Variants in ARB2A observed in about 807,000 individuals in gnomAD.
ARB2A encodes the protein ARB2 cotranscriptional regulator A.
the ARB2A span, among the ~76,000 whole-genome samples, chr5:94,102,886 T>C: frequency 6.6e-6 from 1 of 152,024 alleles, no homozygotes; most frequent in Non-Finnish European, 1.5e-5. Flanking sequence ...AGAAAGGAAA[T>C]TCTAACCAAG....
the ARB2A span, among the ~76,000 whole-genome samples, chr5:94,070,737 T>C: frequency 4.6e-5 from 7 of 151,224 alleles, no homozygotes; most frequent in Admixed American, 4.6e-4. Context: ...AACTCAACAA[T>C]AAGAACACAA....
At chr5:93,820,851 GAA>G in the ARB2A span, among the ~76,000 whole-genome samples, 1 of 152,102 alleles carries the variant, frequency 6.6e-6, no homozygotes, top group Non-Finnish European at 1.5e-5. Context: ...AGAGTTCAGA[GAA>G]TTGGAAATTT....
chr5:93,910,837 T>C, the ARB2A span: 1 of 151,528 alleles, frequency 6.6e-6, no homozygotes, highest in Admixed American at 6.6e-5. Flanking sequence ...ATTGCAATTT[T>C]CTTACTGCTA....
At chr5:93,934,260 ATTC>A in the ARB2A span, among the ~76,000 whole-genome samples, 1 of 152,210 alleles carries the variant, frequency 6.6e-6, no homozygotes, top group Non-Finnish European at 1.5e-5. Context: ...TCACCTATAA[ATTC>A]TTCTTTATTT....
the ARB2A span, among the ~76,000 whole-genome samples, chr5:94,056,398 T>C: frequency 6.6e-6 from 1 of 152,180 alleles, no homozygotes; most frequent in Admixed American, 6.5e-5. Context: ...TCAGAAATTA[T>C]TTTTCTGCTT....
the ARB2A span, among the ~76,000 whole-genome samples, chr5:93,915,924 T>C: frequency 6.6e-6 from 1 of 152,068 alleles, no homozygotes; most frequent in South Asian, 2.1e-4. Context: ...ATGGCTGGAT[T>C]ATATTTTCAT....
the ARB2A span, among the ~76,000 whole-genome samples, chr5:94,103,247 C>G: frequency 2.1e-4 from 32 of 151,988 alleles, no homozygotes; most frequent in Non-Finnish European, 8.8e-5. Flanking sequence ...GAAACATGAC[C>G]TAACTACATA....
chr5:94,100,095 G>C, the ARB2A span, among the ~76,000 whole-genome samples: 1 of 152,286 alleles, frequency 6.6e-6, no homozygotes, highest in African/African-American at 2.4e-5. Flanking sequence ...CAAAGTTGCA[G>C]CATACAAAAT....
chr5:93,941,729 T>C, the ARB2A span, among the ~76,000 whole-genome samples: 1 of 152,186 alleles, frequency 6.6e-6, no homozygotes, highest in Non-Finnish European at 1.5e-5. Flanking sequence ...TCAGTGTCTT[T>C]CCTCTTTTTA....
the ARB2A span, among the ~76,000 whole-genome samples, chr5:94,110,217 A>G: frequency 6.6e-6 from 1 of 152,212 alleles, no homozygotes; most frequent in South Asian, 2.1e-4. Flanking sequence ...TACTTGTTAT[A>G]TATTTACTTG....
At chr5:93,808,025 A>G in the ARB2A span, among the ~76,000 whole-genome samples, 2 of 152,028 alleles carry the variant, frequency 1.3e-5, no homozygotes, top group Non-Finnish European at 2.9e-5. Flanking sequence ...CAATGCAAGA[A>G]AAAACCTTGC....
chr5:93,717,508 A>G, the ARB2A span, among the ~76,000 whole-genome samples: 2 of 151,362 alleles, frequency 1.3e-5, no homozygotes, highest in Non-Finnish European at 2.9e-5. Flanking sequence ...GGCCATATAC[A>G]TAGAAAAGAG....
At chr5:93,978,268 C>T in the ARB2A span, among the ~76,000 whole-genome samples, 1 of 152,044 alleles carries the variant, frequency 6.6e-6, no homozygotes, top group Non-Finnish European at 1.5e-5. Flanking sequence ...ACTGTGTATA[C>T]AACCAAAGAA....
At chr5:93,774,424 A>G in the ARB2A span, among the ~76,000 whole-genome samples, 4 of 152,250 alleles carry the variant, frequency 2.6e-5, no homozygotes, top group African/African-American at 9.6e-5. Flanking sequence ...ACAGTTAGCC[A>G]AGTAGTGAAT....
chr5:94,055,330 A>G, the ARB2A span, among the ~76,000 whole-genome samples: 1 of 152,182 alleles, frequency 6.6e-6, no homozygotes, highest in Non-Finnish European at 1.5e-5. Flanking sequence ...TATCTCAGAA[A>G]TAACACTTTA....
chr5:93,818,962 C>T, the ARB2A span, among the ~76,000 whole-genome samples: 1 of 151,718 alleles, frequency 6.6e-6, no homozygotes, highest in Non-Finnish European at 1.5e-5. Context: ...CCGAGACGGG[C>T]GGATCACGAG....
the ARB2A span, among the ~76,000 whole-genome samples, chr5:93,874,005 A>G: frequency 2.0e-5 from 3 of 152,334 alleles, no homozygotes; most frequent in Admixed American, 2.0e-4. Flanking sequence ...TTTCGGGGGA[A>G]TATATCTGGA....
At chr5:93,652,851 A>C in the ARB2A span, among the ~76,000 whole-genome samples, 1 of 152,172 alleles carries the variant, frequency 6.6e-6, no homozygotes. Context: ...CACACTTTGG[A>C]AAATTTTGGT....
chr5:94,016,886 G>A, the ARB2A span, among the ~76,000 whole-genome samples: 1 of 152,178 alleles, frequency 6.6e-6, no homozygotes, highest in South Asian at 2.1e-4. Flanking sequence ...TAGGGTTGAA[G>A]TTTTTAAGTG....
Sources: gnomAD v4.1 joint callset for allele counts (sites outside exome capture counted in the v4.1 genomes callset) on GRCh38, gnomAD v4.1.1 for gene constraint, MANE v1.5 for transcripts, NCBI Gene and HGNC (gene_info 2026-07-23, HGNC 2026-07-21) for gene names.